Variants in STK32B observed in about 807,000 individuals in gnomAD.
STK32B encodes the protein serine/threonine-protein kinase 32B.
A neutral mutation model predicts 52.6 loss-of-function variants in STK32B; 43 were observed. The observed-to-expected ratio is 0.82, with a 90% CI of 0.64 to 1.05. The LOEUF is 1.05. Ranked by LOEUF, STK32B falls within the 50% of genes least tolerant of loss-of-function variation. STK32B has a pLI of 0.00. For missense variants in STK32B, 621 were observed against 534.6 expected, an observed-to-expected ratio of 1.16 and a Z score of -1.59; for synonymous variants, 238 against 204.3, an observed-to-expected ratio of 1.17 and a Z score of -1.41.
At chr4:5,446,555 TCAAAAAAAAA>T (rs1715440136) in intron 6 of STK32B, 108 bp from the exon 7 acceptor site, 4 of 854,980 alleles carry the variant, frequency 4.7e-6, no homozygotes, top group East Asian at 5.6e-5. Context: ...AAACTCTATC[TCAAAAAAAAA>T]CAAAAAAAAA....
chr4:5,111,572 A>G (rs539540118), intron 1 of STK32B, among the ~76,000 whole-genome samples: 2 of 152,236 alleles, frequency 1.3e-5, no homozygotes, highest in East Asian at 1.9e-4. Context: ...AAGGCTACAC[A>G]TGGACATAAA....
chr4:5,438,500 T>C (rs560996977), intron 6 of STK32B, among the ~76,000 whole-genome samples: 1 of 152,282 alleles, frequency 6.6e-6, no homozygotes, highest in East Asian at 1.9e-4. Flanking sequence ...GAGGATGGCA[T>C]TTAGGAGGGT....
chr4:5,434,170 T>C (rs530052542), intron 6 of STK32B, among the ~76,000 whole-genome samples: 1 of 152,266 alleles, frequency 6.6e-6, no homozygotes, highest in East Asian at 1.9e-4. Flanking sequence ...GCATGCACCA[T>C]GCACCCCATG....
chr4:5,226,898 C>T (rs1401193965), intron 3 of STK32B, among the ~76,000 whole-genome samples: 1 of 152,116 alleles, frequency 6.6e-6, no homozygotes, highest in Non-Finnish European at 1.5e-5. Flanking sequence ...GGTGGGACTA[C>T]TGTAACATAA....
At chr4:5,383,689 G>T (rs1736069022) in intron 4 of STK32B, among the ~76,000 whole-genome samples, 1 of 152,148 alleles carries the variant, frequency 6.6e-6, no homozygotes, top group Non-Finnish European at 1.5e-5. Flanking sequence ...AAACCACTAG[G>T]CAGTGGACTC....
At chr4:5,468,403 C>T (rs1382625291) in intron 11 of STK32B, among the ~76,000 whole-genome samples, 1 of 152,184 alleles carries the variant, frequency 6.6e-6, no homozygotes, top group Non-Finnish European at 1.5e-5. Flanking sequence ...GGTCAAGTTG[C>T]CTGGGGCCAA....
chr4:5,138,237 C>T lies in STK32B; in HGVS notation c.53-1668C>T, dbSNP rs541718116. On this transcript the variant is annotated intron_variant, in intron 1 of 11. Coordinates refer to ENST00000282908, the MANE Select transcript of STK32B (RefSeq NM_018401.3). ...ATTCTAAGCACGTTAGGCATTCGAC[C>T]TCACGCTGGATTCTGACTTTGGCTT... Among the ~76,000 whole-genome samples, 4 of 152,346 alleles carry T rather than the reference C, an allele frequency of 2.6e-5. No homozygotes were observed. The South Asian group carries it at 8.3e-4, about 32-fold the overall frequency.
rs1158526956 is a variant in STK32B, at chr4:5,378,906, G to A, written c.435-19301G>A. Among the ~76,000 whole-genome samples, 1 of 152,176 alleles carries A rather than the reference G, an allele frequency of 6.6e-6. No individual in the cohort carries two copies. Among genetic ancestry groups the A allele is most frequent in the African/African-American group, 2.4e-5 (1 of 41,434 alleles). On this transcript the variant is annotated intron_variant, in intron 4 of 11. Coordinates refer to ENST00000282908, the MANE Select transcript of STK32B (RefSeq NM_018401.3). The surrounding 1 kb of genome is among the most constrained non-coding windows in gnomAD (Gnocchi z 4.4). ...AGCATTAAAGGCGTCATCTGCAAAA[G>A]GGGTGACAATTCTACCCTGCCTCTG...
chr4:5,346,831 G>T (rs28449339), intron 4 of STK32B, among the ~76,000 whole-genome samples: 22,333 of 152,188 alleles, frequency 0.15, 2,261 homozygotes, highest in African/African-American at 0.28. Context: ...AAGAAAGAAG[G>T]TTTAATTGAC....
intron 4 of STK32B, among the ~76,000 whole-genome samples, chr4:5,334,151 A>C (rs530239172): frequency 0.012 from 1,883 of 151,720 alleles, 30 homozygotes; most frequent in African/African-American, 0.041. Context: ...CTTTTATTTC[A>C]TTGAGCAGTG....
chr4:5,150,458 T>C (rs933783530), intron 2 of STK32B, among the ~76,000 whole-genome samples: 5 of 152,184 alleles, frequency 3.3e-5, no homozygotes, highest in African/African-American at 1.2e-4. Flanking sequence ...GGTGTTATTT[T>C]GTAGAAACTT....
chr4:5,186,516 C>G (rs964089769), intron 3 of STK32B, among the ~76,000 whole-genome samples: 4 of 152,274 alleles, frequency 2.6e-5, no homozygotes, highest in East Asian at 1.9e-4. Flanking sequence ...TCGCTTATCT[C>G]GCTTGCTCTC....
intron 1 of STK32B, among the ~76,000 whole-genome samples, chr4:5,086,101 A>C (rs1267749952): frequency 1.3e-5 from 2 of 152,194 alleles, no homozygotes; most frequent in Non-Finnish European, 2.9e-5. Flanking sequence ...TAGACTAAAA[A>C]GCTTTAGAAG....
chr4:5,462,378 C>G lies in STK32B; in HGVS notation c.909+2150C>G, dbSNP rs568618648. Among the ~76,000 whole-genome samples, 11 of 151,734 alleles carry G rather than the reference C, an allele frequency of 7.2e-5. No homozygotes were observed. The South Asian group carries it at 2.3e-3, about 32-fold the overall frequency. ...TGTGTGCCTATATGTCTGTGTGTGC[C>G]TGTGCATCTGTGTGTGTGTGTGCAT... is the stretch of plus-strand genomic sequence containing the variant. On this transcript the variant is annotated intron_variant, in intron 9 of 11. Coordinates refer to ENST00000282908, the MANE Select transcript of STK32B (RefSeq NM_018401.3).
rs1168665306 is a variant in STK32B at position 5,453,324 on chromosome 4, G to T, written c.667-3483G>T. Among the ~76,000 whole-genome samples the T allele has an allele frequency of 2.0e-5, 3 of 152,124 alleles. No individual in the cohort carries two copies. The highest frequency in any genetic ancestry group is 7.2e-5 in the African/African-American group (3 of 41,428). On this transcript the variant is annotated intron_variant, in intron 7 of 11. Transcript: ENST00000282908. This position sits in a 1 kb window ranked among gnomAD's most constrained non-coding sequence, Gnocchi z 4.0. ...CCAATAAGGAAACAGGGAATGAAATGTAAATGATAAGAAAACATTTACATT... is the reference window on the plus strand; with the variant it reads ...CCAATAAGGAAACAGGGAATGAAATTTAAATGATAAGAAAACATTTACATT...
chr4:5,442,112 T>C (rs1317765857), intron 6 of STK32B, among the ~76,000 whole-genome samples: 1 of 118,100 alleles, frequency 8.5e-6, no homozygotes, highest in African/African-American at 3.2e-5. Context: ...TGTAGATGTC[T>C]ATTAGGTCCG....
chr4:5,480,509 G>C (rs1019924122), intron 11 of STK32B, among the ~76,000 whole-genome samples: 1 of 152,164 alleles, frequency 6.6e-6, no homozygotes, highest in Non-Finnish European at 1.5e-5. Context: ...ACAATTAGTT[G>C]AGTTTATCTG....
intron 1 of STK32B, among the ~76,000 whole-genome samples, chr4:5,109,998 G>T: frequency 7.0e-6 from 1 of 143,238 alleles, no homozygotes; most frequent in African/African-American, 2.5e-5. Flanking sequence ...AACCAATCCC[G>T]TTTACAATAG....
chr4:5,211,498 A>G (rs564702695), intron 3 of STK32B, among the ~76,000 whole-genome samples: 2 of 143,862 alleles, frequency 1.4e-5, no homozygotes, highest in South Asian at 4.8e-4. Context: ...GAGCCAAACC[A>G]CTGGAGGTCC....
Sources: allele counts gnomAD v4.1 joint callset (sites outside exome capture counted in the v4.1 genomes callset), GRCh38; gene constraint gnomAD v4.1.1; non-coding constraint Gnocchi (gnomAD v3.1); transcripts MANE v1.5; gene names NCBI Gene and HGNC (gene_info 2026-07-23, HGNC 2026-07-21).